SSBP2: variants seen among roughly 807,000 people sequenced by gnomAD.
SSBP2 encodes single stranded DNA binding protein 2.
SSBP2 carries 17 observed loss-of-function variants against 61.8 expected under a neutral mutation model. The ratio of observed to expected loss-of-function variants is 0.28; its 90% CI spans 0.19 to 0.41. SSBP2 has a LOEUF of 0.41. SSBP2 is among the 10% of genes least tolerant of loss of function. The pLI is 1.00. For missense variants in SSBP2, 310 were observed against 458.7 expected (o/e 0.68, Z 2.96); for synonymous variants, 139 against 141.3 (o/e 0.98, Z 0.12).
chr5:81,430,685 C>T (rs1349518804), intron 15 of SSBP2, among the ~76,000 whole-genome samples: 1 of 151,442 alleles, frequency 6.6e-6, no homozygotes, highest in Non-Finnish European at 1.5e-5. Context: ...TTACATGCAA[C>T]CTCTTCATAG....
chr5:81,554,045 A>T (rs756843332), intron 4 of SSBP2, among the ~76,000 whole-genome samples: 10 of 152,170 alleles, frequency 6.6e-5, no homozygotes, highest in African/African-American at 9.6e-5. Flanking sequence ...AATAAATGAG[A>T]AATCCATTAA....
intron 15 of SSBP2, among the ~76,000 whole-genome samples, chr5:81,431,877 T>A (rs960225893): frequency 3.9e-5 from 6 of 152,216 alleles, no homozygotes; most frequent in African/African-American, 1.4e-4. Flanking sequence ...TGGACCACTG[T>A]GCCCAGCTCA....
chr5:81,490,134 AT>A (rs1387604211), intron 5 of SSBP2, among the ~76,000 whole-genome samples: 4 of 152,132 alleles, frequency 2.6e-5, no homozygotes, highest in Non-Finnish European at 5.9e-5. Flanking sequence ...AAAGAAAAAA[AT>A]GATCTTATAT....
At chr5:81,553,540 T>G (rs908463124) in intron 4 of SSBP2, among the ~76,000 whole-genome samples, 18 of 152,296 alleles carry the variant, frequency 1.2e-4, no homozygotes, top group Admixed American at 5.9e-4. Context: ...TATTTTCCAG[T>G]AATCATATAA....
intron 4 of SSBP2, among the ~76,000 whole-genome samples, chr5:81,519,445 C>T (rs2154091661): frequency 6.6e-6 from 1 of 152,204 alleles, no homozygotes; most frequent in Non-Finnish European, 1.5e-5. Context: ...TTTTTCCTTT[C>T]TTCTACCAGC....
intron 2 of SSBP2, 134 bp from the exon 3 acceptor site, chr5:81,636,752 A>C (rs1384995460): frequency 5.6e-6 from 4 of 712,652 alleles, no homozygotes; most frequent in Non-Finnish European, 9.0e-6. Flanking sequence ...TTTTTTACCC[A>C]AGTTTTGCAA....
At chr5:81,432,591 C>A (rs1009167121) in intron 15 of SSBP2, among the ~76,000 whole-genome samples, 2 of 151,982 alleles carry the variant, frequency 1.3e-5, no homozygotes, top group African/African-American at 4.8e-5. Context: ...ACTAAAAATA[C>A]AAAAATTAGC....
chr5:81,590,656 A>T (rs1026592935), intron 4 of SSBP2, among the ~76,000 whole-genome samples: 6 of 152,258 alleles, frequency 3.9e-5, no homozygotes, highest in Non-Finnish European at 8.8e-5. Context: ...AAACTGTTGG[A>T]CAACAAGAGA....
chr5:81,431,595 CT>C (rs925378368), intron 15 of SSBP2, among the ~76,000 whole-genome samples: 96 of 147,276 alleles, frequency 6.5e-4, no homozygotes, highest in Middle Eastern at 3.5e-3. Flanking sequence ...CTTCTTCTCT[CT>C]TTTTTTTTTT....
At chr5:81,650,196 A>G in intron 2 of SSBP2, 71 bp downstream of exon 2, 1 of 1,111,674 alleles carries the variant, frequency 9.0e-7, no homozygotes, top group Non-Finnish European at 1.3e-6. Flanking sequence ...TTTTTCAAAT[A>G]ATTATTATAG....
At chr5:81,450,257 A>G (rs971996168) in intron 10 of SSBP2, among the ~76,000 whole-genome samples, 2 of 152,140 alleles carry the variant, frequency 1.3e-5, no homozygotes, top group African/African-American at 4.8e-5. Context: ...TCCTGAGCCA[A>G]GCGATCCATC....
chr5:81,555,358 G>C (rs1772512436), intron 4 of SSBP2, among the ~76,000 whole-genome samples: 1 of 151,892 alleles, frequency 6.6e-6, no homozygotes, highest in Non-Finnish European at 1.5e-5. Context: ...AACTCATTTT[G>C]GTTGTTTTTT....
chr5:81,542,425 A>G (rs1231691523), intron 4 of SSBP2, among the ~76,000 whole-genome samples: 3 of 152,296 alleles, frequency 2.0e-5, no homozygotes, highest in Middle Eastern at 3.4e-3. Context: ...CCAAAAGTCA[A>G]TAAATCATTC....
chr5:81,461,713 C>A (rs542840690), intron 9 of SSBP2, among the ~76,000 whole-genome samples: 2 of 152,168 alleles, frequency 1.3e-5, no homozygotes, highest in South Asian at 4.2e-4. Flanking sequence ...TAATTTCAGT[C>A]CAGATAGTGG....
chr5:81,542,083 G>A (rs987455810), intron 4 of SSBP2, among the ~76,000 whole-genome samples: 2 of 151,882 alleles, frequency 1.3e-5, no homozygotes, highest in African/African-American at 4.8e-5. Flanking sequence ...AAAACATATA[G>A]CCTCATTAAA....
chr5:81,669,560 C>A (rs561772836), intron 1 of SSBP2, among the ~76,000 whole-genome samples: 20 of 152,016 alleles, frequency 1.3e-4, no homozygotes, highest in Non-Finnish European at 2.2e-4. Context: ...GAACAGAAAA[C>A]CAAACGCCAC....
intron 4 of SSBP2, chr5:81,615,248 T>C: frequency 5.0e-6 from 2 of 396,322 alleles, no homozygotes; most frequent in Non-Finnish European, 8.9e-6. Context: ...GAAATTTCTT[T>C]AATAGCTTAG....
chr5:81,607,327 T>C (rs547398374), intron 4 of SSBP2, among the ~76,000 whole-genome samples: 4 of 152,258 alleles, frequency 2.6e-5, no homozygotes, highest in Admixed American at 1.3e-4. Context: ...TCCCGCAGAA[T>C]TGGGGGCATC....
chr5:81,670,399 T>C (rs1751504156), intron 1 of SSBP2, among the ~76,000 whole-genome samples: 1 of 152,148 alleles, frequency 6.6e-6, no homozygotes, highest in African/African-American at 2.4e-5. Context: ...ATTTGGCAGT[T>C]TTTCTGTATC....
Sources: allele counts gnomAD v4.1 joint callset (sites outside exome capture counted in the v4.1 genomes callset), GRCh38; gene constraint gnomAD v4.1.1; transcripts MANE v1.5; gene names NCBI Gene and HGNC (gene_info 2026-07-23, HGNC 2026-07-21).